ASB1: variants seen among roughly 807,000 people sequenced by gnomAD.
The protein encoded by ASB1 is ankyrin repeat and SOCS box containing 1, also known as ankyrin repeat and SOCS box protein 1.
ASB1 carries 18 observed loss-of-function variants against 27.7 expected under a neutral mutation model. That is an observed-to-expected ratio of 0.65 (90% CI 0.45 to 0.96). The LOEUF (loss-of-function observed/expected upper bound fraction) is 0.96. ASB1 is among the 50% of genes least tolerant of loss of function. The probability of loss-of-function intolerance (pLI) is 0.00; values close to 1 mark genes in which losing one functional copy is unlikely to be tolerated. For missense variants in ASB1, 397 were observed against 451.7 expected (o/e 0.88, Z 1.10); for synonymous variants, 189 against 187.6 (o/e 1.01, Z -0.06).
At chr2:238,445,046 G>T (rs896238544) in intron 4 of ASB1, among the ~76,000 whole-genome samples, 2 of 144,404 alleles carry the variant, frequency 1.4e-5, no homozygotes, top group African/African-American at 2.6e-5. Context: ...CAGTGGTGCA[G>T]TCATGGCTCC....
chr2:238,438,312 G>A (rs1350873021), intron 3 of ASB1, among the ~76,000 whole-genome samples: 1 of 142,136 alleles, frequency 7.0e-6, no homozygotes, highest in African/African-American at 2.6e-5. Context: ...CCATTCTCCT[G>A]CCTCAGCCTC....
intron 2 of ASB1, 69 bp from the exon 3 acceptor site, chr2:238,435,642 A>AG (rs1370599913): frequency 2.0e-6 from 3 of 1,479,538 alleles, no homozygotes; most frequent in Non-Finnish European, 2.7e-6. Context: ...TGCCAGGGTG[A>AG]GGGGGGCAGT....
At chr2:238,431,615 A>G (rs1039647831) in intron 1 of ASB1, among the ~76,000 whole-genome samples, 1 of 152,226 alleles carries the variant, frequency 6.6e-6, no homozygotes, top group African/African-American at 2.4e-5. Flanking sequence ...CATTAAAATT[A>G]ATCATTTCCA....
intron 3 of ASB1, 86 bp downstream of exon 3, chr2:238,436,099 G>A (rs1048690334): frequency 1.5e-6 from 2 of 1,339,182 alleles, no homozygotes; most frequent in South Asian, 1.5e-5. Context: ...TTAGAATTCG[G>A]CTCTTTAGAT....
chr2:238,431,563 A>C (rs1701871760), intron 1 of ASB1, among the ~76,000 whole-genome samples: 1 of 152,252 alleles, frequency 6.6e-6, no homozygotes, highest in Admixed American at 6.5e-5. Context: ...TTGGCACAAG[A>C]GGCCTATCTT....
In ASB1 at chr2:238,444,405, G is replaced by C. The variant is rs1702136753; in HGVS notation, c.558G>C (p.Arg186=). The C allele has an allele frequency of 6.2e-7, 1 of 1,613,520 alleles. No homozygotes were observed. The highest frequency in any genetic ancestry group is 1.7e-5 in the Admixed American group (1 of 59,998). Residue 186 remains arginine (R), a synonymous_variant, in exon 4 of 5, where the codon CGG becomes CGC. Transcript: ENST00000264607. ...LTPDVQPRFS[R]RLTSLVVCPL... ...CTGATGTCCAGCCTCGATTCTCCCGGCGGCTCACCTCCTTGGTGGTCTGCC... is the reference window on the plus strand; with the variant it reads ...CTGATGTCCAGCCTCGATTCTCCCGCCGGCTCACCTCCTTGGTGGTCTGCC...
At chr2:238,442,272 C>T (rs1224607313) in intron 3 of ASB1, among the ~76,000 whole-genome samples, 6 of 152,052 alleles carry the variant, frequency 3.9e-5, no homozygotes, top group Admixed American at 6.6e-5. Flanking sequence ...CACCCACACC[C>T]GGCTAATTTT....
At chr2:238,443,298 T>C (rs933071901) in intron 3 of ASB1, among the ~76,000 whole-genome samples, 2 of 152,228 alleles carry the variant, frequency 1.3e-5, no homozygotes, top group Non-Finnish European at 2.9e-5. Context: ...TATGTCATAG[T>C]AAAATTTATT....
chr2:238,448,095 GC>G lies in ASB1; in HGVS notation c.*1585del, dbSNP rs2106412190. On this transcript the variant is annotated 3_prime_UTR_variant, in exon 5 of 5. Transcript: ENST00000264607. The stretch of plus-strand genomic sequence containing the variant: ...ATGGTTGTGTAAATGTGGGCTGTGT[GC>G]TGTTCCCGAGGGGAGCTTGGGATTG... The G allele has an allele frequency of 6.6e-6, 1 of 152,504 alleles. No homozygotes were observed. Among genetic ancestry groups the G allele is most frequent in the African/African-American group, 2.4e-5 (1 of 41,598 alleles). The allele number at this position is 152,504 out of a possible 1,614,324, so 9.4% of individuals were successfully genotyped here.
At chr2:238,431,119 A>G (rs1439933977) in intron 1 of ASB1, among the ~76,000 whole-genome samples, 3 of 152,334 alleles carry the variant, frequency 2.0e-5, no homozygotes, top group African/African-American at 7.2e-5. Context: ...TTTTTTTCCA[A>G]TAGAAGGCTG....
chr2:238,449,963 A>G lies in ASB1; in HGVS notation c.*3452A>G, dbSNP rs1702251876. 6.6e-6 allele frequency: 1 copy of G among 150,866 alleles called. No homozygotes were observed. The highest frequency in any genetic ancestry group is 2.1e-4 in the South Asian group (1 of 4,752). The allele number at this position is 150,866 out of a possible 1,614,324, so 9.3% of individuals were successfully genotyped here. On this transcript the variant is annotated 3_prime_UTR_variant, in exon 5 of 5. Coordinates refer to ENST00000264607, the MANE Select transcript of ASB1 (RefSeq NM_001040445.3). ...TGCTGCCATCCGTGCGGCCTTGGCC[A>G]CATCCCTATTAACAGAGGCAGCTCC...
In ASB1 at chr2:238,450,291, TTGA is replaced by T. The variant is rs1380032402; in HGVS notation, c.*3784_*3786del. ...CGTATGAGAACAGCATGGTAAATAATTGATGAAGTCACATTTGTTCAACTTAAA... is the reference window on the plus strand; with the variant it reads ...CGTATGAGAACAGCATGGTAAATAATTGAAGTCACATTTGTTCAACTTAAA... On this transcript the variant is annotated 3_prime_UTR_variant, in exon 5 of 5. Transcript: ENST00000264607. 1.8e-4 allele frequency: 27 copies of T among 152,354 alleles called. No homozygotes were observed. The highest frequency in any genetic ancestry group is 6.3e-4 in the African/African-American group (26 of 41,574). The allele number at this position is 152,354 out of a possible 1,614,324, so 9.4% of individuals were successfully genotyped here.
At chr2:238,433,370 G>A in intron 1 of ASB1, 184 bp from the exon 2 acceptor site, 1 of 639,720 alleles carries the variant, frequency 1.6e-6, no homozygotes, top group Non-Finnish European at 2.6e-6. Context: ...AAGTGATCCT[G>A]CCTCAGCCTC....
chr2:238,431,013 C>T (rs1431597338), intron 1 of ASB1, among the ~76,000 whole-genome samples: 1 of 152,254 alleles, frequency 6.6e-6, no homozygotes, highest in Non-Finnish European at 1.5e-5. Context: ...AAGTCACCAG[C>T]TGCGTTAGCC....
chr2:238,436,407 A>G (rs959647820), intron 3 of ASB1, among the ~76,000 whole-genome samples: 3 of 152,110 alleles, frequency 2.0e-5, no homozygotes, highest in Non-Finnish European at 4.4e-5. Flanking sequence ...TAAGGTTTTA[A>G]TAATGCTTTT....
chr2:238,438,185 T>C (rs1702007652), intron 3 of ASB1, among the ~76,000 whole-genome samples: 1 of 139,340 alleles, frequency 7.2e-6, no homozygotes, highest in South Asian at 2.4e-4. Context: ...GAAGTACATA[T>C]ACAGATGCCC....
chr2:238,451,187 A>T lies in ASB1; in HGVS notation c.*4676A>T, dbSNP rs1021650066. 1.3e-5 allele frequency: 2 copies of T among 152,256 alleles called. No individual in the cohort carries two copies. The highest frequency in any genetic ancestry group is 2.9e-5 in the Non-Finnish European group (2 of 68,080). 9.4% of individuals were successfully genotyped at this position (152,256 alleles called of 1,614,324 possible). On this transcript the variant is annotated 3_prime_UTR_variant, in exon 5 of 5. Transcript: ENST00000264607. ...GGAATGTGCAGATTTTGAAGTGTAC[A>T]GTGATGTGTGGAATAAATACTAGAA...
At position 238,451,456 on chromosome 2, in the gene ASB1, C is replaced by T. The variant is rs72987328; in HGVS notation, c.*4945C>T. ...GCTGCTGTAATTTAGCCAGCAGTGC[C>T]CTGCCCTGCCCTGCAGTGTCTGCTC... On this transcript the variant is annotated 3_prime_UTR_variant, in exon 5 of 5. Transcript: ENST00000264607. 0.088 allele frequency: 13,427 copies of T among 152,312 alleles called. 704 individuals carry two copies. The highest frequency in any genetic ancestry group is 0.12 in the Non-Finnish European group (7,847 of 68,104). The allele number at this position is 152,312 out of a possible 1,614,324, so 9.4% of individuals were successfully genotyped here. A position where few individuals can be genotyped will look rare whatever the true frequency, so the allele number is the denominator to read the frequency against.
chr2:238,438,509 C>T (rs1233750694), intron 3 of ASB1, among the ~76,000 whole-genome samples: 1 of 152,192 alleles, frequency 6.6e-6, no homozygotes, highest in Admixed American at 6.5e-5. Context: ...CACAGATGCC[C>T]TTCTTGCGAA....
Sources: gnomAD v4.1 joint callset for allele counts (sites outside exome capture counted in the v4.1 genomes callset) on GRCh38, gnomAD v4.1.1 for gene constraint, MANE v1.5 for transcripts, NCBI Gene and HGNC (gene_info 2026-07-23, HGNC 2026-07-21) for gene names.